The following PRRX1 variants were observed in gnomAD, a reference collection of about 807,000 sequenced individuals.
PRRX1 encodes the protein paired related homeobox 1.
A neutral mutation model predicts 24.0 loss-of-function variants in PRRX1; 8 were observed. The observed-to-expected ratio is 0.33, with a 90% CI of 0.20 to 0.60. The LOEUF (loss-of-function observed/expected upper bound fraction) is 0.60. Ranked by LOEUF, PRRX1 falls within the 20% of genes least tolerant of loss-of-function variation. The pLI is 0.82. For missense variants in PRRX1, 281 were observed against 322.4 expected, an observed-to-expected ratio of 0.87 and a Z score of 0.98; for synonymous variants, 160 against 131.7, an observed-to-expected ratio of 1.22 and a Z score of -1.47.
At chr1:170,665,669 A>G (rs1013293709) in intron 1 of PRRX1, among the ~76,000 whole-genome samples, 1 of 152,252 alleles carries the variant, frequency 6.6e-6, no homozygotes, top group Non-Finnish European at 1.5e-5. Context: ...AACTGCACAT[A>G]GAAACAATTG....
upstream of PRRX1, chr1:170,663,546 T>G: frequency 6.6e-6 from 1 of 151,956 alleles, no homozygotes; most frequent in Non-Finnish European, 1.5e-5. Context: ...AATCCTGCTC[T>G]CTAATACATC....
chr1:170,710,514 G>T (rs892577819), intron 1 of PRRX1, among the ~76,000 whole-genome samples: 3 of 152,160 alleles, frequency 2.0e-5, no homozygotes, highest in African/African-American at 7.2e-5. Context: ...ATAAGGAAAT[G>T]TGTACAGCTA....
intron 1 of PRRX1, among the ~76,000 whole-genome samples, chr1:170,677,149 G>A (rs1414162915): frequency 6.6e-6 from 1 of 152,160 alleles, no homozygotes; most frequent in Admixed American, 6.5e-5. Flanking sequence ...GACACGTTAG[G>A]AGTCTTCATG....
At chr1:170,721,575 G>GA (rs1053327827) in intron 2 of PRRX1, among the ~76,000 whole-genome samples, 1 of 152,140 alleles carries the variant, frequency 6.6e-6, no homozygotes, top group African/African-American at 2.4e-5. Flanking sequence ...AGAGAAAAAA[G>GA]AAAAATGTCA....
chr1:170,716,329 A>G (rs1654905281), intron 1 of PRRX1, among the ~76,000 whole-genome samples: 1 of 152,248 alleles, frequency 6.6e-6, no homozygotes, highest in Non-Finnish European at 1.5e-5. Flanking sequence ...TCACGCCTGT[A>G]ATCCCAGCAC....
At chr1:170,686,039 A>T (rs1653720603) in intron 1 of PRRX1, among the ~76,000 whole-genome samples, 1 of 152,036 alleles carries the variant, frequency 6.6e-6, no homozygotes, top group Non-Finnish European at 1.5e-5. Flanking sequence ...ATATTGCTTC[A>T]CTCTGTTATA....
chr1:170,674,519 T>C (rs1653246521), intron 1 of PRRX1, among the ~76,000 whole-genome samples: 1 of 152,194 alleles, frequency 6.6e-6, no homozygotes, highest in Non-Finnish European at 1.5e-5. Context: ...AGACTTACTA[T>C]GGGAAATAAC....
intron 1 of PRRX1, among the ~76,000 whole-genome samples, chr1:170,711,019 T>C (rs1370112792): frequency 6.6e-6 from 1 of 152,210 alleles, no homozygotes; most frequent in Non-Finnish European, 1.5e-5. Flanking sequence ...CTCAAAAAAG[T>C]CAAGCTTTAA....
intron 1 of PRRX1, among the ~76,000 whole-genome samples, chr1:170,697,000 C>T (rs1305156004): frequency 2.6e-5 from 4 of 152,232 alleles, no homozygotes; most frequent in African/African-American, 9.6e-5. Context: ...CAAGCGATAG[C>T]CCTGTGATAG....
At chr1:170,690,704 T>C (rs530294232) in intron 1 of PRRX1, among the ~76,000 whole-genome samples, 1 of 152,234 alleles carries the variant, frequency 6.6e-6, no homozygotes, top group African/African-American at 2.4e-5. Context: ...AGTATTCAAA[T>C]GTTTTTATTG....
intron 1 of PRRX1, among the ~76,000 whole-genome samples, chr1:170,665,028 G>T (rs928556243): frequency 6.6e-6 from 1 of 152,240 alleles, no homozygotes; most frequent in Non-Finnish European, 1.5e-5. Flanking sequence ...AGAACGCCCG[G>T]CCCCAGACGC....
At chr1:170,707,983 A>G (rs142569404) in intron 1 of PRRX1, among the ~76,000 whole-genome samples, 2 of 152,344 alleles carry the variant, frequency 1.3e-5, no homozygotes, top group African/African-American at 4.8e-5. Flanking sequence ...GTGATTAAAG[A>G]GTCATTGTCC....
chr1:170,716,812 A>T (rs543314241), intron 1 of PRRX1, among the ~76,000 whole-genome samples: 1 of 152,196 alleles, frequency 6.6e-6, no homozygotes, highest in African/African-American at 2.4e-5. Context: ...CCTGTATTCA[A>T]CCAGAGCCAA....
At chr1:170,680,543 T>A (rs1301855624) in intron 1 of PRRX1, among the ~76,000 whole-genome samples, 1 of 152,218 alleles carries the variant, frequency 6.6e-6, no homozygotes, top group Admixed American at 6.5e-5. Flanking sequence ...CACAGTTAGC[T>A]CTTGTTTATT....
intron 1 of PRRX1, among the ~76,000 whole-genome samples, chr1:170,676,356 C>CT (rs897463670): frequency 7.4e-5 from 11 of 148,292 alleles, no homozygotes; most frequent in African/African-American, 9.9e-5. Flanking sequence ...ACTTCACATT[C>CT]TTTTTTTTTC....
rs540157709 is a variant in PRRX1 at position 170,719,725 on chromosome 1, G to C, written c.242-1G>C. 1 of 1,613,976 alleles carries C rather than the reference G, an allele frequency of 6.2e-7. No individual in the cohort carries two copies. Among genetic ancestry groups the C allele is most frequent in the African/African-American group, 1.3e-5 (1 of 75,044 alleles). ...CTTTTCATCATTGTGTTCTATTCCA[G>C]ATGACCAGCTGAACTCAGAAGAAAA... On this transcript the variant is annotated splice_acceptor_variant, in intron 1 of 3. Coordinates refer to ENST00000239461, the MANE Select transcript of PRRX1 (RefSeq NM_022716.4). LOFTEE classifies it high-confidence loss of function.
chr1:170,709,077 A>G (rs1654662375), intron 1 of PRRX1, among the ~76,000 whole-genome samples: 1 of 152,188 alleles, frequency 6.6e-6, no homozygotes, highest in African/African-American at 2.4e-5. Flanking sequence ...CAAGTCAGGT[A>G]AGGTGCCTAC....
intron 1 of PRRX1, among the ~76,000 whole-genome samples, chr1:170,688,396 AG>A (rs1242080878): frequency 1.3e-5 from 2 of 152,182 alleles, no homozygotes; most frequent in East Asian, 3.9e-4. Context: ...CATTTGAAAA[AG>A]TAATAGAATT....
intron 1 of PRRX1, among the ~76,000 whole-genome samples, chr1:170,684,207 A>G (rs1454656307): frequency 1.3e-5 from 2 of 152,148 alleles, no homozygotes; most frequent in East Asian, 3.9e-4. Context: ...CACCTGCTCA[A>G]AATGTTAATA....
Sources: gnomAD v4.1 joint callset for allele counts (sites outside exome capture counted in the v4.1 genomes callset) on GRCh38, gnomAD v4.1.1 for gene constraint, MANE v1.5 for transcripts, NCBI Gene and HGNC (gene_info 2026-07-23, HGNC 2026-07-21) for gene names.